SLC35F3: variants seen among roughly 807,000 people sequenced by gnomAD.
SLC35F3 encodes putative thiamine transporter SLC35F3.
A neutral mutation model predicts 49.9 loss-of-function variants in SLC35F3; 25 were observed. The ratio of observed to expected loss-of-function variants is 0.50; its 90% CI spans 0.37 to 0.70. The LOEUF (loss-of-function observed/expected upper bound fraction) is 0.70. Ranked by LOEUF, SLC35F3 falls within the 30% of genes least tolerant of loss-of-function variation. The probability of loss-of-function intolerance (pLI) is 0.00; values close to 1 mark genes in which losing one functional copy is unlikely to be tolerated. For missense variants in SLC35F3, 525 were observed against 639.8 expected, an observed-to-expected ratio of 0.82 and a Z score of 1.94; for synonymous variants, 275 against 265.4, an observed-to-expected ratio of 1.04 and a Z score of -0.35.
At chr1:233,980,360 G>T (rs1385232289) in intron 2 of SLC35F3, among the ~76,000 whole-genome samples, 1 of 152,158 alleles carries the variant, frequency 6.6e-6, no homozygotes, top group Non-Finnish European at 1.5e-5. Context: ...CCCATAAAAA[G>T]CCCAGGACTT....
At position 234,316,857 on chromosome 1, in the gene SLC35F3, G is replaced by A. The variant is rs1657501522; in HGVS notation, c.954+130G>A. ...CTGTGCTTCAGGACAGGCAGCTCTA[G>A]ATAGCTGGAGTCAACTGTGCAACAG... On this transcript the variant is annotated intron_variant, in intron 5 of 7. Transcript: ENST00000366618. 4 of 1,183,416 alleles carry A rather than the reference G, an allele frequency of 3.4e-6. No homozygotes were observed. The African/African-American group carries it at 4.6e-5, about 14-fold the overall frequency. 73.3% of individuals were successfully genotyped at this position (1,183,416 alleles called of 1,614,324 possible).
At chr1:233,933,598 C>G (rs1662279923) in intron 2 of SLC35F3, among the ~76,000 whole-genome samples, 1 of 152,106 alleles carries the variant, frequency 6.6e-6, no homozygotes, top group Non-Finnish European at 1.5e-5. Context: ...GGTGTGGTGG[C>G]TCAGTGCTTG....
At chr1:233,961,823 G>A (rs1014563413) in intron 2 of SLC35F3, among the ~76,000 whole-genome samples, 10 of 152,132 alleles carry the variant, frequency 6.6e-5, no homozygotes, top group African/African-American at 2.4e-4. Context: ...TTATAATAAT[G>A]GAAAATAGGT....
intron 2 of SLC35F3, among the ~76,000 whole-genome samples, chr1:233,937,933 G>A (rs1662360114): frequency 6.6e-6 from 1 of 152,118 alleles, no homozygotes; most frequent in African/African-American, 2.4e-5. Context: ...TAATGTTCAG[G>A]TAGTGATGTC....
chr1:234,275,093 A>G (rs1321767917), intron 3 of SLC35F3, among the ~76,000 whole-genome samples: 2 of 152,196 alleles, frequency 1.3e-5, no homozygotes, highest in Non-Finnish European at 2.9e-5. Flanking sequence ...TCAAATCTGA[A>G]GGTTTCTGAG....
At chr1:234,055,826 A>G (rs1428737057) in intron 2 of SLC35F3, among the ~76,000 whole-genome samples, 2 of 152,310 alleles carry the variant, frequency 1.3e-5, no homozygotes, top group South Asian at 4.1e-4. Flanking sequence ...CTCATCTTTT[A>G]CTAGGCTTCT....
intron 3 of SLC35F3, among the ~76,000 whole-genome samples, chr1:234,250,653 C>CA (rs35486350): frequency 0.41 from 33,295 of 81,174 alleles, 6,168 homozygotes; most frequent in East Asian, 0.8. Context: ...GACTCCGTCT[C>CA]AAAAAAAAAA....
chr1:233,942,265 G>C (rs953483658), intron 2 of SLC35F3, among the ~76,000 whole-genome samples: 25 of 151,842 alleles, frequency 1.6e-4, no homozygotes, highest in Admixed American at 2.6e-4. Flanking sequence ...CCGGCATACA[G>C]CCTCTTTTAA....
rs1446017914 is a variant in SLC35F3, at chr1:233,904,708, C to A, written c.-370C>A. 6.6e-6 allele frequency among the ~76,000 whole-genome samples: 1 copy of A among 151,860 alleles called. No homozygotes were observed. Among genetic ancestry groups the A allele is most frequent in the Non-Finnish European group, 1.5e-5 (1 of 67,924 alleles). On this transcript the variant is annotated 5_prime_UTR_variant, in exon 1 of 8. Coordinates refer to ENST00000366618, the MANE Select transcript of SLC35F3 (RefSeq NM_173508.4). The stretch of plus-strand genomic sequence containing the variant: ...CGCCTCCCCGCCCGACCAGGTGCCT[C>A]GAGAGCGCACAGCTGGGAGGGCTCT...
At chr1:234,169,322 G>A (rs560436004) in intron 2 of SLC35F3, among the ~76,000 whole-genome samples, 1 of 152,282 alleles carries the variant, frequency 6.6e-6, no homozygotes, top group South Asian at 2.1e-4. Context: ...GCATCCCTTA[G>A]CCCAGTCAAG....
chr1:233,948,176 C>T (rs536087107), intron 2 of SLC35F3, among the ~76,000 whole-genome samples: 7 of 141,648 alleles, frequency 4.9e-5, no homozygotes, highest in East Asian at 4.2e-4. Flanking sequence ...CTCCCTGGAA[C>T]GGTAAGAGGG....
intron 3 of SLC35F3, among the ~76,000 whole-genome samples, chr1:234,279,702 G>A (rs1259504409): frequency 1.3e-5 from 2 of 152,200 alleles, no homozygotes; most frequent in Non-Finnish European, 2.9e-5. Flanking sequence ...CCTGTGGAGT[G>A]GGCCTGGGTC....
chr1:234,264,347 A>G (rs1667949764), intron 3 of SLC35F3, among the ~76,000 whole-genome samples: 1 of 152,088 alleles, frequency 6.6e-6, no homozygotes, highest in African/African-American at 2.4e-5. Context: ...TGATAGCTCT[A>G]AGAATTTAAA....
intron 3 of SLC35F3, among the ~76,000 whole-genome samples, chr1:234,294,661 C>G (rs779441297): frequency 7.2e-5 from 11 of 152,232 alleles, no homozygotes; most frequent in Non-Finnish European, 7.3e-5. Flanking sequence ...CAAAATCTGC[C>G]TAAACGTCAA....
intron 2 of SLC35F3, among the ~76,000 whole-genome samples, chr1:234,001,281 C>A (rs541618085): frequency 1.6e-4 from 25 of 152,254 alleles, no homozygotes; most frequent in African/African-American, 5.8e-4. Context: ...TCAAGGAAAG[C>A]CAGTAATGCA....
chr1:233,910,237 C>T (rs1442086043), intron 2 of SLC35F3, among the ~76,000 whole-genome samples: 1 of 152,148 alleles, frequency 6.6e-6, no homozygotes, highest in African/African-American at 2.4e-5. Context: ...CTGGGATGGA[C>T]ACCAATTAGG....
chr1:233,912,678 A>C (rs1215460605), intron 2 of SLC35F3, among the ~76,000 whole-genome samples: 1 of 152,220 alleles, frequency 6.6e-6, no homozygotes, highest in South Asian at 2.1e-4. Flanking sequence ...AGTAGTGAGC[A>C]GGTGGCGTAG....
At chr1:234,144,696 C>T (rs1482072867) in intron 2 of SLC35F3, among the ~76,000 whole-genome samples, 3 of 152,110 alleles carry the variant, frequency 2.0e-5, no homozygotes, top group Non-Finnish European at 4.4e-5. Flanking sequence ...TACTAAGATA[C>T]TTTGCTAGAC....
intron 3 of SLC35F3, among the ~76,000 whole-genome samples, chr1:234,300,879 G>A (rs1668682097): frequency 6.6e-6 from 1 of 152,224 alleles, no homozygotes; most frequent in Non-Finnish European, 1.5e-5. Context: ...AAGTGAGAGA[G>A]AATAAGGGCA....
Sources: gnomAD v4.1 joint callset for allele counts (sites outside exome capture counted in the v4.1 genomes callset) on GRCh38, gnomAD v4.1.1 for gene constraint, MANE v1.5 for transcripts, NCBI Gene and HGNC (gene_info 2026-07-23, HGNC 2026-07-21) for gene names.